MAPKBP1: variants seen among roughly 807,000 people sequenced by gnomAD.
MAPKBP1 encodes the protein mitogen-activated protein kinase-binding protein 1.
In MAPKBP1, 71 loss-of-function variants were observed where a neutral mutation model predicts 170.5. The observed-to-expected ratio is 0.42, with a 90% CI of 0.34 to 0.51. The LOEUF (loss-of-function observed/expected upper bound fraction) is 0.51, where lower values mean the gene tolerates loss of function less well. MAPKBP1 is among the 20% of genes least tolerant of loss of function. MAPKBP1 has a pLI of 0.06. For synonymous variants in MAPKBP1, 719 were observed against 757.9 expected (o/e 0.95, Z 0.84); for missense variants, 1,598 against 1,933.0 (o/e 0.83, Z 3.25).
chr15:41,824,158 C>G, intron 29 of MAPKBP1, 97 bp downstream of exon 29: 1 of 1,468,772 alleles, frequency 6.8e-7, no homozygotes, highest in Non-Finnish European at 9.1e-7. Context: ...GTGGGTACAG[C>G]TTCTGGTGTT....
rs747536472 is a variant in MAPKBP1 at position 41,816,643 on chromosome 15, A to T, written c.1578A>T (p.Pro526=). The T allele has an allele frequency of 6.2e-7, 1 of 1,613,746 alleles. No homozygotes were observed. Among genetic ancestry groups the T allele is most frequent in the Non-Finnish European group, 8.5e-7 (1 of 1,179,948 alleles). Residue 526 remains proline, a synonymous_variant, in exon 13 of 31, where the codon CCA becomes CCT. Transcript: ENST00000457542. ...TTCTGTGCCTGGAGTATTCTAAGCC[A>T]GACACAGGTTAGGAGAATGCCCGGA... ...SEILCLEYSK[P]DTGLKLLASA... is the part of the protein sequence containing the mutation.
In MAPKBP1 at chr15:41,823,975, C is replaced by T; in HGVS notation, c.4127C>T (p.Pro1376Leu). 1.9e-6 allele frequency: 3 copies of T among 1,614,082 alleles called. No individual in the cohort carries two copies. The highest frequency in any genetic ancestry group is 2.5e-6 in the Non-Finnish European group (3 of 1,180,034). Reference sequence around the variant, plus strand: ...CCAGTCAGCAGCCTCTTCCAAGGCCCTGAAAACTTGCAGCCCCCACCCCCT... The same window carrying T: ...CCAGTCAGCAGCCTCTTCCAAGGCCTTGAAAACTTGCAGCCCCCACCCCCT... Reference protein sequence around the residue: ...QLPVSSLFQGPENLQPPPPEK... With the variant: ...QLPVSSLFQGLENLQPPPPEK... The change falls in exon 29 of 31, where the codon CCT becomes CTT. Residue 1376 changes from proline to leucine, a missense_variant. This residue lies in a region of MAPKBP1 where 942 missense variants were observed against 953.2 expected (regional missense o/e 0.99). Coordinates refer to ENST00000457542, the MANE Select transcript of MAPKBP1 (RefSeq NM_014994.3).
In MAPKBP1 at chr15:41,797,752, C is replaced by T. The variant is rs573166227; in HGVS notation, c.115-2071C>T. Among the ~76,000 whole-genome samples, 6 of 152,296 alleles carry T rather than the reference C, an allele frequency of 3.9e-5. 1 individual carries two copies. In the South Asian group the frequency reaches 1.2e-3, roughly 32 times the overall value. On this transcript the variant is annotated intron_variant, in intron 2 of 30. Transcript: ENST00000457542. ...TGCCAGGTGGCTGTGGGTTGCTGCT[C>T]TGTATTGAAACCACATCTACCAGTG...
At chr15:41,815,136 G>A (rs2064868109) in intron 10 of MAPKBP1, 123 bp from the exon 11 acceptor site, 2 of 1,163,592 alleles carry the variant, frequency 1.7e-6, no homozygotes, top group Admixed American at 1.9e-5. Context: ...TATGGCCTGT[G>A]ACAGGCACTG....
chr15:41,801,828 C>T (rs773652999), intron 3 of MAPKBP1, among the ~76,000 whole-genome samples: 99 of 151,862 alleles, frequency 6.5e-4, no homozygotes, highest in Non-Finnish European at 1.1e-3. Context: ...CCAGCCTGGG[C>T]GACAAAGAGA....
chr15:41,797,464 T>C (rs1400521078), intron 2 of MAPKBP1, among the ~76,000 whole-genome samples: 5 of 152,066 alleles, frequency 3.3e-5, no homozygotes, highest in Admixed American at 6.6e-5. Flanking sequence ...AAATATCCCC[T>C]CCTCTGGGAG....
At position 41,823,278 on chromosome 15, in the gene MAPKBP1, A is replaced by G. The variant is rs577388176; in HGVS notation, c.3598+56A>G. On this transcript the variant is annotated intron_variant, in intron 28 of 30. Transcript: ENST00000457542. ...TGCAGGGTGTATGGAACACATGTAC[A>G]TGCTGGAGGAGGGAGGGCCTGGTGT... 1,242 of 1,577,596 alleles carry G rather than the reference A, an allele frequency of 7.9e-4. 1 individual carries two copies. The highest frequency in any genetic ancestry group is 9.2e-4 in the Non-Finnish European group (1,069 of 1,160,296).
At chr15:41,813,296 C>A in intron 8 of MAPKBP1, 195 bp downstream of exon 8, 1 of 1,529,468 alleles carries the variant, frequency 6.5e-7, no homozygotes, top group Non-Finnish European at 9.1e-7. Context: ...TCTGCTCTTT[C>A]TGTCTCTTTC....
chr15:41,799,378 A>C (rs1451146932), intron 2 of MAPKBP1, among the ~76,000 whole-genome samples: 2 of 152,142 alleles, frequency 1.3e-5, no homozygotes, highest in Non-Finnish European at 2.9e-5. Context: ...GATACCTAAC[A>C]TTCTTTTGGC....
At chr15:41,813,246 C>T in intron 8 of MAPKBP1, 145 bp downstream of exon 8, 2 of 1,501,774 alleles carry the variant, frequency 1.3e-6, no homozygotes, top group South Asian at 1.2e-5. Flanking sequence ...TAGAGCTTGG[C>T]CCATTTCCAG....
intron 2 of MAPKBP1, among the ~76,000 whole-genome samples, chr15:41,795,571 G>T (rs184903313): frequency 4.6e-5 from 7 of 152,034 alleles, no homozygotes; most frequent in East Asian, 1.9e-4. Context: ...ATGATGACAT[G>T]ATTTCATTTA....
chr15:41,823,050 C>T lies in MAPKBP1; in HGVS notation c.3426C>T (p.Pro1142=), dbSNP rs754917651. 6.2e-7 allele frequency: 1 copy of T among 1,613,878 alleles called. No homozygotes were observed. Among genetic ancestry groups the T allele is most frequent in the Non-Finnish European group, 8.5e-7 (1 of 1,179,938 alleles). Residue 1142 remains proline, a synonymous_variant, in exon 28 of 31, where the codon CCC becomes CCT. Transcript: ENST00000457542. The part of the protein sequence containing the change: ...RGNGANPPGA[P]PEVEPSSGNP... ...ATGGTGCCAATCCCCCTGGAGCACC[C>T]CCGGAGGTGGAACCGTCCTCTGGCA...
chr15:41,815,499 T>C (rs902650704), intron 11 of MAPKBP1, 94 bp downstream of exon 11: 20 of 1,561,908 alleles, frequency 1.3e-5, no homozygotes, highest in African/African-American at 2.7e-5. Flanking sequence ...CCCTAGGCCT[T>C]GGCCTTCCAG....
At chr15:41,821,846 G>C in intron 24 of MAPKBP1, 96 bp downstream of exon 24, 1 of 1,580,252 alleles carries the variant, frequency 6.3e-7, no homozygotes, top group Non-Finnish European at 8.6e-7. Flanking sequence ...GGATACTCAG[G>C]GCTTTCCTTC....
At chr15:41,786,948 G>A (rs2064308723) in intron 2 of MAPKBP1, among the ~76,000 whole-genome samples, 1 of 150,794 alleles carries the variant, frequency 6.6e-6, no homozygotes, top group Non-Finnish European at 1.5e-5. Context: ...GCCCAGGCTG[G>A]AGTGCAGTGG....
intron 28 of MAPKBP1, 76 bp from the exon 29 acceptor site, chr15:41,823,369 GCT>G (rs2065033957): frequency 4.6e-5 from 72 of 1,552,466 alleles, no homozygotes; most frequent in Non-Finnish European, 6.2e-5. Context: ...GGGAACAGCA[GCT>G]CTTCGGGATT....
intron 21 of MAPKBP1, 23 bp downstream of exon 21, chr15:41,819,402 G>A (rs2064947668): frequency 6.2e-7 from 1 of 1,613,124 alleles, no homozygotes; most frequent in Admixed American, 1.7e-5. Flanking sequence ...TGGGTGTGGG[G>A]GCAGACAGGC....
chr15:41,813,083 C>T lies in MAPKBP1; in HGVS notation c.801C>T (p.Asp267=). The change falls in exon 8 of 31, where the codon GAC becomes GAT. Residue 267 remains aspartate, a synonymous_variant. Coordinates refer to ENST00000457542, the MANE Select transcript of MAPKBP1 (RefSeq NM_014994.3). The stretch of plus-strand genomic sequence containing the variant: ...AGTTCAGTGATCGAAGGCTTTTGGA[C>T]AAGTGGGTGGAGCTGAGGGTAAGTA... The part of the protein sequence containing the change: ...LCEFSDRRLL[D]KWVELRTTVA... The T allele has an allele frequency of 6.2e-7, 1 of 1,607,196 alleles. No individual in the cohort carries two copies. Among genetic ancestry groups the T allele is most frequent in the Admixed American group, 1.7e-5 (1 of 59,560 alleles).
Position 41,821,874 on chromosome 15 carries a change from A to G in MAPKBP1, c.2886-91A>G. 2.5e-6 allele frequency: 4 copies of G among 1,569,682 alleles called. No individual in the cohort carries two copies. In the African/African-American group the frequency reaches 4.1e-5, roughly 16 times the overall value. ...TTTCCTTCCAGCTCACCACTGCCTC[A>G]TCCCTCACCCTGATCACAGGCAGGA... On this transcript the variant is annotated intron_variant, in intron 24 of 30. Coordinates refer to ENST00000457542, the MANE Select transcript of MAPKBP1 (RefSeq NM_014994.3).
Sources: allele counts gnomAD v4.1 joint callset (sites outside exome capture counted in the v4.1 genomes callset), GRCh38; gene constraint gnomAD v4.1.1; regional missense constraint gnomAD v4.1.1; transcripts MANE v1.5; gene names NCBI Gene and HGNC (gene_info 2026-07-23, HGNC 2026-07-21).